The following GTF2IRD1 variants were observed in gnomAD, a reference collection of about 807,000 sequenced individuals.
GTF2IRD1 encodes the protein GTF2I repeat domain containing 1.
In GTF2IRD1, 26 loss-of-function variants were observed where a neutral mutation model predicts 113.2. The observed-to-expected ratio is 0.23, with a 90% confidence interval of 0.17 to 0.32. The LOEUF (loss-of-function observed/expected upper bound fraction) is 0.32. GTF2IRD1 is among the 10% of genes least tolerant of loss of function. The pLI, the probability that GTF2IRD1 is intolerant of heterozygous loss-of-function variation, is 1.00. For missense variants in GTF2IRD1, 864 were observed against 1,280.8 expected, an observed-to-expected ratio of 0.67 and a Z score of 4.97; for synonymous variants, 484 against 529.1, an observed-to-expected ratio of 0.91 and a Z score of 1.17.
intron 1 of GTF2IRD1, among the ~76,000 whole-genome samples, chr7:74,499,154 G>A (rs577307634): frequency 1.3e-5 from 2 of 151,970 alleles, no homozygotes; most frequent in South Asian, 2.1e-4. Flanking sequence ...GGGAGGCCAC[G>A]GAAGGCACCC....
At chr7:74,528,727 A>G (rs1021109204) in intron 8 of GTF2IRD1, among the ~76,000 whole-genome samples, 10 of 136,552 alleles carry the variant, frequency 7.3e-5, no homozygotes, top group African/African-American at 2.7e-4. Context: ...GGATGGATGG[A>G]TGGATGGATG....
rs1176932203 is a variant in GTF2IRD1 at position 74,593,413 on chromosome 7, TAAAAAAAA to T, written c.2592-1583_2592-1576del. Among the ~76,000 whole-genome samples, 8 of 49,248 alleles carry T rather than the reference TAAAAAAAA, an allele frequency of 1.6e-4. No individual in the cohort carries two copies. The Admixed American group carries it at 1.7e-3, about 10-fold the overall frequency. 32.3% of individuals were successfully genotyped at this position (49,248 alleles called of 152,430 possible). A position where few individuals can be genotyped will look rare whatever the true frequency, so the allele number is the denominator to read the frequency against. On this transcript the variant is annotated intron_variant, in intron 24 of 26. Transcript: ENST00000424337. ...CAATATGGTGAAACCTCATCTCTAC[TAAAAAAAA>T]AAAAAAAAAAAAAAAAAGATACAAA...
At chr7:74,535,938 T>G (rs142618189) in intron 10 of GTF2IRD1, among the ~76,000 whole-genome samples, 1 of 152,242 alleles carries the variant, frequency 6.6e-6, no homozygotes, top group East Asian at 1.9e-4. Context: ...CTCTCCCAAA[T>G]CTCTGGCCAC....
chr7:74,557,805 C>A lies in GTF2IRD1; in HGVS notation c.2107+83C>A, dbSNP rs587691259. The A allele has an allele frequency of 6.1e-6, 5 of 820,228 alleles. No homozygotes were observed. The African/African-American group carries it at 8.6e-5, about 14-fold the overall frequency. 50.8% of individuals were successfully genotyped at this position (820,228 alleles called of 1,614,324 possible). A position where few individuals can be genotyped will look rare whatever the true frequency, so the allele number is the denominator to read the frequency against. On this transcript the variant is annotated intron_variant, in intron 20 of 26. Transcript: ENST00000424337. ...GAGGCTTCCCAGTTCCAGCCGAGGG[C>A]ATTTCTGGGGAAACAATTCACCCCT...
intron 22 of GTF2IRD1, among the ~76,000 whole-genome samples, chr7:74,569,954 C>T (rs1554362106): frequency 6.6e-6 from 1 of 152,026 alleles, no homozygotes; most frequent in Non-Finnish European, 1.5e-5. Flanking sequence ...GAGAGACCTG[C>T]CCGGGGCATC....
chr7:74,567,225 G>A (rs1554360941), intron 22 of GTF2IRD1, among the ~76,000 whole-genome samples: 1 of 152,082 alleles, frequency 6.6e-6, no homozygotes, highest in Non-Finnish European at 1.5e-5. Flanking sequence ...CTACTTGGGA[G>A]CCTGAGGCAG....
At chr7:74,558,069 T>C (rs1554357731) in intron 20 of GTF2IRD1, among the ~76,000 whole-genome samples, 2 of 151,476 alleles carry the variant, frequency 1.3e-5, no homozygotes, top group Non-Finnish European at 2.9e-5. Flanking sequence ...AGCTCAGGAG[T>C]TCGAGGCCAG....
At chr7:74,496,482 CGTATGT>C (rs1438938437) in intron 1 of GTF2IRD1, among the ~76,000 whole-genome samples, 2 of 73,556 alleles carry the variant, frequency 2.7e-5, no homozygotes, top group South Asian at 3.8e-4. Context: ...TGGGTGTGCA[CGTATGT>C]GTGTGTGTGT....
chr7:74,503,166 CA>C (rs10626336), intron 1 of GTF2IRD1, among the ~76,000 whole-genome samples: 138 of 140,660 alleles, frequency 9.8e-4, no homozygotes, highest in Middle Eastern at 7.2e-3. Flanking sequence ...GACTCCATCT[CA>C]AAAAAAAAAA....
chr7:74,467,991 G>T (rs565113793), intron 1 of GTF2IRD1, among the ~76,000 whole-genome samples: 1 of 152,286 alleles, frequency 6.6e-6, no homozygotes, highest in Admixed American at 6.5e-5. Context: ...GTGTGTATAT[G>T]CACATGTATG....
At chr7:74,535,475 A>G (rs1798238924) in intron 10 of GTF2IRD1, among the ~76,000 whole-genome samples, 1 of 152,248 alleles carries the variant, frequency 6.6e-6, no homozygotes, top group African/African-American at 2.4e-5. Flanking sequence ...CAATCCTATG[A>G]AGGTGGCTCC....
At position 74,555,365 on chromosome 7, in the gene GTF2IRD1, C is replaced by T. The variant is rs1554356426; in HGVS notation, c.1967-73C>T. On this transcript the variant is annotated intron_variant, in intron 18 of 26. Transcript: ENST00000424337. The surrounding 1 kb of genome is among the most constrained non-coding windows in gnomAD (Gnocchi z 5.3). ...CTCCCCACACCCCCACATTGGGTTT[C>T]CCCTAACGATGCCATCTTGGGTCCC... 2 of 1,543,648 alleles carry T rather than the reference C, an allele frequency of 1.3e-6. No homozygotes were observed. Among genetic ancestry groups the T allele is most frequent in the Non-Finnish European group, 1.8e-6 (2 of 1,115,964 alleles).
In GTF2IRD1 at chr7:74,519,596, C is replaced by T; in HGVS notation, c.793C>T (p.His265Tyr). The T allele has an allele frequency of 1.2e-6, 2 of 1,612,802 alleles. No individual in the cohort carries two copies. Among genetic ancestry groups the T allele is most frequent in the Non-Finnish European group, 1.7e-6 (2 of 1,179,800 alleles). Reference protein sequence around the residue: ...SFLYSTALPNHAIRELKQEAP... With the variant: ...SFLYSTALPNYAIRELKQEAP... The stretch of plus-strand genomic sequence containing the variant: ...CCTGTACAGCACGGCGCTCCCCAAC[C>T]ACGCCATCCGAGAGCTCAAGCAGGA... Residue 265 changes from histidine to tyrosine, a missense_variant, in exon 6 of 27, where the codon CAC becomes TAC. His to Tyr is a moderately conservative substitution (Grantham distance 83, BLOSUM62 2). This residue lies in a region of GTF2IRD1 where 195 missense variants were observed against 196.6 expected (regional missense o/e 0.99). Coordinates refer to ENST00000424337, the MANE Select transcript of GTF2IRD1 (RefSeq NM_005685.4).
In GTF2IRD1 at chr7:74,476,606, C is replaced by T. The variant is rs1187098405; in HGVS notation, c.-7+22430C>T. On this transcript the variant is annotated intron_variant, in intron 1 of 26. Coordinates refer to ENST00000424337, the MANE Select transcript of GTF2IRD1 (RefSeq NM_005685.4). Reference sequence around the variant, plus strand: ...CTCAAACTCCTGACCTTAAGTGATCCGCCTGCCTCTGAACCTCCCAGATTT... The same window carrying T: ...CTCAAACTCCTGACCTTAAGTGATCTGCCTGCCTCTGAACCTCCCAGATTT... Among the ~76,000 whole-genome samples, 3 of 151,884 alleles carry T rather than the reference C, an allele frequency of 2.0e-5. No homozygotes were observed. The South Asian group carries it at 6.2e-4, about 31-fold the overall frequency.
At chr7:74,514,041 A>C (rs561764629) in intron 3 of GTF2IRD1, among the ~76,000 whole-genome samples, 2 of 152,224 alleles carry the variant, frequency 1.3e-5, no homozygotes, top group East Asian at 3.9e-4. Context: ...TGAGGTTAAG[A>C]GAACGGGCCG....
Position 74,471,357 on chromosome 7 carries a change from A to C in GTF2IRD1, c.-7+17181A>C, listed in dbSNP as rs535755700. Among the ~76,000 whole-genome samples the C allele has an allele frequency of 3.9e-5, 6 of 152,090 alleles. No homozygotes were observed. In the East Asian group the frequency reaches 1.2e-3, roughly 30 times the overall value. ...CTGAGACCAGCTTAGACAGCCAAAA[A>C]AATTAGCCGGGTGTGGTGGCACACA... On this transcript the variant is annotated intron_variant, in intron 1 of 26. Coordinates refer to ENST00000424337, the MANE Select transcript of GTF2IRD1 (RefSeq NM_005685.4).
At position 74,515,485 on chromosome 7, in the gene GTF2IRD1, G is replaced by T. The variant is rs373581144; in HGVS notation, c.310G>T (p.Val104Leu). Reference protein sequence around the residue: ...KDPEAEHPKKVQRGEGGGRSL... With the variant: ...KDPEAEHPKKLQRGEGGGRSL... ...TCCGGAGGCAGAGCACCCCAAGAAG[G>T]TGCAGCGGGGCGAGGGTGGAGGCCG... is the stretch of plus-strand genomic sequence containing the variant. The change falls in exon 4 of 27, where the codon GTG becomes TTG. Residue 104 changes from valine to leucine, a missense_variant. Around this residue, in one of 7 missense-constraint regions of GTF2IRD1, gnomAD observed 182 missense variants for 266.6 expected, o/e 0.68. Coordinates refer to ENST00000424337, the MANE Select transcript of GTF2IRD1 (RefSeq NM_005685.4). 6 of 1,610,414 alleles carry T rather than the reference G, an allele frequency of 3.7e-6. No individual in the cohort carries two copies. The highest frequency in any genetic ancestry group is 1.7e-4 in the Middle Eastern group (1 of 6,048).
chr7:74,463,884 C>T (rs906895083), intron 1 of GTF2IRD1, among the ~76,000 whole-genome samples: 12 of 152,130 alleles, frequency 7.9e-5, no homozygotes, highest in African/African-American at 2.7e-4. Context: ...CCACCACACC[C>T]GACTAATTTT....
chr7:74,523,080 A>G, intron 7 of GTF2IRD1, among the ~76,000 whole-genome samples: 1 of 152,188 alleles, frequency 6.6e-6, no homozygotes, highest in East Asian at 1.9e-4. Context: ...TTAGCCAGAC[A>G]TGGTGGTAGG....
Sources: gnomAD v4.1 joint callset for allele counts (sites outside exome capture counted in the v4.1 genomes callset) on GRCh38, gnomAD v4.1.1 for gene constraint, gnomAD v4.1.1 regional missense constraint, Gnocchi (gnomAD v3.1) non-coding constraint, MANE v1.5 for transcripts, NCBI Gene and HGNC (gene_info 2026-07-23, HGNC 2026-07-21) for gene names.